The following TMED10 variants were observed in gnomAD, a reference collection of about 807,000 sequenced individuals.
The protein encoded by TMED10 is transmembrane emp24 domain-containing protein 10.
A neutral mutation model predicts 23.1 loss-of-function variants in TMED10; 7 were observed. The ratio of observed to expected loss-of-function variants is 0.30; its 90% CI spans 0.17 to 0.57. The LOEUF is 0.57. TMED10 is among the 20% of genes least tolerant of loss of function. TMED10 has a pLI of 0.91. For missense variants in TMED10, 162 were observed against 274.8 expected (o/e 0.59, Z 2.90); for synonymous variants, 113 against 106.9 (o/e 1.06, Z -0.35).
chr14:75,150,338 T>C (rs1313080137), intron 2 of TMED10, among the ~76,000 whole-genome samples: 1 of 152,180 alleles, frequency 6.6e-6, no homozygotes, highest in African/African-American at 2.4e-5. Flanking sequence ...CCATGGAAGA[T>C]GTACTTCCTC....
rs1895751605 is a variant in TMED10, at chr14:75,136,517, A to C, written c.412-631T>G. Among the ~76,000 whole-genome samples the C allele has an allele frequency of 3.3e-5, 5 of 152,178 alleles. No homozygotes were observed. The South Asian group carries it at 1.0e-3, about 31-fold the overall frequency. Reference sequence around the variant, plus strand: ...ACTTCCACTCATGTCTAAGAAGTAAACTATTGTTAATACAATAAATGTGGG... The same window carrying C: ...ACTTCCACTCATGTCTAAGAAGTAACCTATTGTTAATACAATAAATGTGGG... On this transcript the variant is annotated intron_variant, in intron 3 of 4. Coordinates refer to ENST00000303575, the MANE Select transcript of TMED10 (RefSeq NM_006827.6).
intron 3 of TMED10, among the ~76,000 whole-genome samples, chr14:75,144,199 A>G (rs1336783851): frequency 1.3e-5 from 2 of 152,316 alleles, no homozygotes; most frequent in East Asian, 3.9e-4. Context: ...AATTGCCTGC[A>G]TTCTCCCAAC....
rs1895717367 is a variant in TMED10 at position 75,133,969 on chromosome 14, A to AT, written c.*915dup. Reference sequence around the variant, plus strand: ...AACTTGGATGGATTTCAAGGGAATTATGCTGAATGAAAAAAGATCAGCCTC... The same window carrying AT: ...AACTTGGATGGATTTCAAGGGAATTATTGCTGAATGAAAAAAGATCAGCCTC... On this transcript the variant is annotated 3_prime_UTR_variant, in exon 5 of 5. Coordinates refer to ENST00000303575, the MANE Select transcript of TMED10 (RefSeq NM_006827.6). The AT allele has an allele frequency of 4.1e-6, 1 of 242,612 alleles. No individual in the cohort carries two copies. The highest frequency in any genetic ancestry group is 3.8e-5 in the South Asian group (1 of 25,996). The allele number at this position is 242,612 out of a possible 1,614,324, so 15.0% of individuals were successfully genotyped here.
At chr14:75,139,635 C>CA (rs34813747) in intron 3 of TMED10, among the ~76,000 whole-genome samples, 54,030 of 109,026 alleles carry the variant, frequency 0.5, 12,626 homozygotes, top group East Asian at 0.83. Flanking sequence ...GACTCCGACT[C>CA]AAAAAAAAAA....
intron 1 of TMED10, among the ~76,000 whole-genome samples, chr14:75,172,462 C>T (rs934651462): frequency 7.2e-5 from 11 of 152,056 alleles, no homozygotes; most frequent in South Asian, 4.1e-4. Context: ...TGTGCCACCA[C>T]GCCCAGCTAA....
intron 1 of TMED10, among the ~76,000 whole-genome samples, chr14:75,166,104 T>C (rs934393193): frequency 3.9e-5 from 6 of 152,306 alleles, no homozygotes; most frequent in African/African-American, 1.4e-4. Flanking sequence ...ATGTTTTTTT[T>C]CATACTGTTC....
intron 3 of TMED10, among the ~76,000 whole-genome samples, chr14:75,137,691 A>AAAAAAAAAAAT (rs1555355552): frequency 7.3e-6 from 1 of 136,182 alleles, no homozygotes; most frequent in African/African-American, 2.8e-5. Context: ...AAAAAAAAAA[A>AAAAAAAAAAAT]TTCTGTTTCT....
At chr14:75,143,809 T>C (rs1056836517) in intron 3 of TMED10, among the ~76,000 whole-genome samples, 1 of 151,798 alleles carries the variant, frequency 6.6e-6, no homozygotes, top group Admixed American at 6.6e-5. Flanking sequence ...TGGTGCACAC[T>C]TGTAATCCCA....
intron 2 of TMED10, among the ~76,000 whole-genome samples, chr14:75,150,823 G>A (rs1895945862): frequency 6.6e-6 from 1 of 152,194 alleles, no homozygotes; most frequent in Non-Finnish European, 1.5e-5. Flanking sequence ...CCTCTTAGCT[G>A]ACATCATAGC....
intron 1 of TMED10, among the ~76,000 whole-genome samples, chr14:75,161,228 A>T (rs1393901640): frequency 2.6e-5 from 4 of 152,194 alleles, no homozygotes; most frequent in Non-Finnish European, 4.4e-5. Flanking sequence ...ATTTTTGAGC[A>T]GGTCCTGCCA....
At chr14:75,161,912 G>A (rs898643269) in intron 1 of TMED10, among the ~76,000 whole-genome samples, 5 of 152,066 alleles carry the variant, frequency 3.3e-5, no homozygotes, top group African/African-American at 1.2e-4. Context: ...AGCAACCAGG[G>A]CTCCTTGGAG....
At chr14:75,160,817 G>A (rs974727000) in intron 1 of TMED10, among the ~76,000 whole-genome samples, 11 of 152,126 alleles carry the variant, frequency 7.2e-5, no homozygotes, top group African/African-American at 2.7e-4. Context: ...AGGCTAAGGT[G>A]GCACGTCATT....
At chr14:75,170,493 A>C (rs1043439290) in intron 1 of TMED10, among the ~76,000 whole-genome samples, 3 of 152,228 alleles carry the variant, frequency 2.0e-5, no homozygotes, top group Non-Finnish European at 4.4e-5. Flanking sequence ...CAAGGATGCT[A>C]TCAAAACCTA....
At chr14:75,139,275 TC>T (rs1343875567) in intron 3 of TMED10, 3 of 367,842 alleles carry the variant, frequency 8.2e-6, no homozygotes, top group African/African-American at 2.1e-5. Context: ...GTAAGATCTT[TC>T]CAAAAATGTC....
intron 1 of TMED10, among the ~76,000 whole-genome samples, chr14:75,168,549 C>T (rs1896191967): frequency 1.3e-5 from 2 of 152,136 alleles, no homozygotes; most frequent in Non-Finnish European, 2.9e-5. Context: ...CAATAAAAAC[C>T]TCACCCATCT....
chr14:75,174,523 C>A (rs754057702), intron 1 of TMED10, among the ~76,000 whole-genome samples: 2 of 152,062 alleles, frequency 1.3e-5, no homozygotes, highest in African/African-American at 2.4e-5. Context: ...TCTCCCACCC[C>A]GGAAACACTA....
rs548451634 is a variant in TMED10, at chr14:75,171,830, C to A, written c.225+4525G>T. Among the ~76,000 whole-genome samples, 6 of 115,206 alleles carry A rather than the reference C, an allele frequency of 5.2e-5. No homozygotes were observed. In the South Asian group the frequency reaches 1.7e-3, roughly 34 times the overall value. 75.6% of individuals were successfully genotyped at this position (115,206 alleles called of 152,430 possible). A position where few individuals can be genotyped will look rare whatever the true frequency, so the allele number is the denominator to read the frequency against. On this transcript the variant is annotated intron_variant, in intron 1 of 4. Coordinates refer to ENST00000303575, the MANE Select transcript of TMED10 (RefSeq NM_006827.6). ...GGACACTAAGACACACCTTAATCCACTTATCAATCTTAGCAGCAGCAATAA... is the reference window on the plus strand; with the variant it reads ...GGACACTAAGACACACCTTAATCCAATTATCAATCTTAGCAGCAGCAATAA...
At chr14:75,147,628 A>ACTG in intron 3 of TMED10, 36 bp downstream of exon 3, 22 of 1,609,552 alleles carry the variant, frequency 1.4e-5, no homozygotes, top group Non-Finnish European at 1.9e-5. Context: ...AGCATAGCAC[A>ACTG]CTGCTGCCTC....
intron 1 of TMED10, among the ~76,000 whole-genome samples, chr14:75,161,656 G>A (rs1313788600): frequency 6.6e-6 from 1 of 152,036 alleles, no homozygotes; most frequent in African/African-American, 2.4e-5. Flanking sequence ...AACAATGAAT[G>A]ACCTGATCTA....
Sources: allele counts gnomAD v4.1 joint callset (sites outside exome capture counted in the v4.1 genomes callset), GRCh38; gene constraint gnomAD v4.1.1; transcripts MANE v1.5; gene names NCBI Gene and HGNC (gene_info 2026-07-23, HGNC 2026-07-21).